Variants in SNX3 observed in about 807,000 individuals in gnomAD.
SNX3 encodes the protein sorting nexin-3.
In SNX3, 5 loss-of-function variants were observed where a neutral mutation model predicts 17.7. The ratio of observed to expected loss-of-function variants is 0.28; its 90% CI spans 0.15 to 0.59. The LOEUF (loss-of-function observed/expected upper bound fraction) is 0.59, where lower values mean the gene tolerates loss of function less well. Among genes scored for constraint, SNX3 ranks in the 20% least tolerant of loss-of-function variants. SNX3 has a pLI of 0.88. For synonymous variants in SNX3, 91 were observed against 76.5 expected, an observed-to-expected ratio of 1.19 and a Z score of -0.99; for missense variants, 132 against 206.8, an observed-to-expected ratio of 0.64 and a Z score of 2.22.
chr6:108,250,059 C>G (rs1043684875), intron 1 of SNX3, among the ~76,000 whole-genome samples: 1 of 152,006 alleles, frequency 6.6e-6, no homozygotes, highest in African/African-American at 2.4e-5. Flanking sequence ...TAGAGGGGCA[C>G]GCCACCACAG....
intron 1 of SNX3, among the ~76,000 whole-genome samples, chr6:108,255,786 T>C (rs1432148234): frequency 6.6e-6 from 1 of 152,240 alleles, no homozygotes; most frequent in African/African-American, 2.4e-5. Context: ...AATTTAAGAT[T>C]AGATGACTGA....
intron 1 of SNX3, among the ~76,000 whole-genome samples, chr6:108,225,529 G>A (rs1774948277): frequency 6.6e-6 from 1 of 152,084 alleles, no homozygotes. Context: ...TACTTGGGAG[G>A]CTGAGGCAGG....
intron 1 of SNX3, among the ~76,000 whole-genome samples, chr6:108,224,421 C>A (rs920620582): frequency 1.3e-5 from 2 of 152,192 alleles, no homozygotes; most frequent in African/African-American, 2.4e-5. Flanking sequence ...GCTGGGACTA[C>A]AGATGCCCAC....
chr6:108,226,046 C>CAA lies in SNX3; in HGVS notation c.163-3003_163-3002dup, dbSNP rs35559458. Among the ~76,000 whole-genome samples, 452 of 62,346 alleles carry CAA rather than the reference C, an allele frequency of 7.2e-3. 2 individuals carry two copies. Among genetic ancestry groups the CAA allele is most frequent in the African/African-American group, 0.018 (302 of 16,928 alleles). 40.9% of individuals were successfully genotyped at this position (62,346 alleles called of 152,430 possible). A position where few individuals can be genotyped will look rare whatever the true frequency, so the allele number is the denominator to read the frequency against. On this transcript the variant is annotated intron_variant, in intron 1 of 3. Transcript: ENST00000230085. ...GGGCAACAAATGAGACCCTCTCTCT[C>CAA]AAAAAAAAAAAAAAAAAAAAAAAGG... is the stretch of plus-strand genomic sequence containing the variant.
intron 2 of SNX3, among the ~76,000 whole-genome samples, chr6:108,218,675 G>A (rs1048238800): frequency 2.0e-5 from 3 of 152,202 alleles, no homozygotes; most frequent in African/African-American, 7.2e-5. Flanking sequence ...ATATTATTTA[G>A]GAATAAAAAG....
At chr6:108,227,016 C>CTTGT (rs1213895814) in intron 1 of SNX3, among the ~76,000 whole-genome samples, 1 of 152,146 alleles carries the variant, frequency 6.6e-6, no homozygotes, top group Non-Finnish European at 1.5e-5. Context: ...AAGATGCTGG[C>CTTGT]TTGTTGTACA....
At chr6:108,253,122 A>AT (rs1196185490) in intron 1 of SNX3, among the ~76,000 whole-genome samples, 2 of 152,242 alleles carry the variant, frequency 1.3e-5, no homozygotes, top group Non-Finnish European at 2.9e-5. Flanking sequence ...GATAAGCATG[A>AT]TGATAAAGGT....
At chr6:108,235,048 T>C (rs1339707672) in intron 1 of SNX3, among the ~76,000 whole-genome samples, 1 of 152,218 alleles carries the variant, frequency 6.6e-6, no homozygotes, top group African/African-American at 2.4e-5. Flanking sequence ...AACACTGCAG[T>C]AGTAGTAGCT....
At chr6:108,250,958 G>A (rs1225175220) in intron 1 of SNX3, among the ~76,000 whole-genome samples, 2 of 152,036 alleles carry the variant, frequency 1.3e-5, no homozygotes, top group Admixed American at 1.3e-4. Context: ...TCTCTGCCAA[G>A]AGACACTGGC....
intron 1 of SNX3, among the ~76,000 whole-genome samples, chr6:108,235,932 G>A (rs568815196): frequency 1.1e-4 from 16 of 152,076 alleles, no homozygotes; most frequent in Non-Finnish European, 2.2e-4. Flanking sequence ...TCAACTCTTC[G>A]CTGTTTAGTT....
At chr6:108,236,454 G>A (rs1013480617) in intron 1 of SNX3, among the ~76,000 whole-genome samples, 33 of 148,100 alleles carry the variant, frequency 2.2e-4, no homozygotes, top group Non-Finnish European at 3.7e-4. Context: ...CGGGATCTCG[G>A]CTCACTGCAA....
chr6:108,225,978 T>C (rs1441973016), intron 1 of SNX3, among the ~76,000 whole-genome samples: 2 of 145,676 alleles, frequency 1.4e-5, no homozygotes, highest in African/African-American at 5.1e-5. Flanking sequence ...AGTTCCAGAC[T>C]GTAGTGAACT....
chr6:108,247,673 C>T (rs984954073), intron 1 of SNX3, among the ~76,000 whole-genome samples: 3 of 152,140 alleles, frequency 2.0e-5, no homozygotes, highest in African/African-American at 7.2e-5. Context: ...TGAGCCACCA[C>T]GCCCAGCCTA....
chr6:108,260,772 T>A lies in SNX3; in HGVS notation c.150A>T (p.Glu50Asp). 1 of 1,613,674 alleles carries A rather than the reference T, an allele frequency of 6.2e-7. No individual in the cohort carries two copies. Among genetic ancestry groups the A allele is most frequent in the Non-Finnish European group, 8.5e-7 (1 of 1,179,796 alleles). The change falls in exon 1 of 4, where the codon GAA becomes GAT. Residue 50 changes from glutamate to aspartate, a missense_variant. Coordinates refer to ENST00000230085, the MANE Select transcript of SNX3 (RefSeq NM_003795.6). ...GAGACGGCCTCACCTTGACCCTGAT[T>A]TCGTAAGTGGTGAAGCGGCCCCGGC... ...GVGRGRFTTY[E>D]IRVKTNLPIF...
At chr6:108,244,992 T>G (rs1043577521) in intron 1 of SNX3, among the ~76,000 whole-genome samples, 1 of 152,100 alleles carries the variant, frequency 6.6e-6, no homozygotes, top group Non-Finnish European at 1.5e-5. Flanking sequence ...CAAAAAAACG[T>G]GCAGGTTTGT....
intron 3 of SNX3, among the ~76,000 whole-genome samples, chr6:108,212,929 C>T (rs1774452365): frequency 1.3e-5 from 2 of 148,394 alleles, no homozygotes; most frequent in African/African-American, 5.0e-5. Context: ...GCTCTATCAC[C>T]CAGGCTAGAG....
chr6:108,253,626 T>C (rs1775939307), intron 1 of SNX3, among the ~76,000 whole-genome samples: 1 of 152,202 alleles, frequency 6.6e-6, no homozygotes, highest in South Asian at 2.1e-4. Context: ...GGTTTTCCTC[T>C]CTGTTGCCAA....
chr6:108,238,858 TG>T (rs1276168674), intron 1 of SNX3, among the ~76,000 whole-genome samples: 2 of 152,030 alleles, frequency 1.3e-5, no homozygotes, highest in African/African-American at 4.8e-5. Flanking sequence ...ATATTTGCTT[TG>T]TACCAATGAT....
intron 1 of SNX3, among the ~76,000 whole-genome samples, chr6:108,243,592 G>T (rs1775589191): frequency 6.6e-6 from 1 of 152,070 alleles, no homozygotes; most frequent in Admixed American, 6.6e-5. Flanking sequence ...AAATACTAAA[G>T]AAAGCCCTTC....
Sources: allele counts gnomAD v4.1 joint callset (sites outside exome capture counted in the v4.1 genomes callset), GRCh38; gene constraint gnomAD v4.1.1; transcripts MANE v1.5; gene names NCBI Gene and HGNC (gene_info 2026-07-23, HGNC 2026-07-21).